The following RAB5B variants were observed in gnomAD, a reference collection of about 807,000 sequenced individuals.
RAB5B encodes the protein ras-related protein Rab-5B.
RAB5B carries 11 observed loss-of-function variants against 28.6 expected under a neutral mutation model. The ratio of observed to expected loss-of-function variants is 0.38; its 90% CI spans 0.24 to 0.64. The LOEUF (loss-of-function observed/expected upper bound fraction) is 0.64. RAB5B is among the 30% of genes least tolerant of loss of function. The pLI is 0.53. For synonymous variants in RAB5B, 93 were observed against 97.9 expected (o/e 0.95, Z 0.29); for missense variants, 169 against 265.6 (o/e 0.64, Z 2.53).
chr12:55,982,525 C>T (rs182270787), intron 1 of RAB5B, among the ~76,000 whole-genome samples: 15 of 152,088 alleles, frequency 9.9e-5, no homozygotes, highest in East Asian at 5.8e-4. Context: ...AACTCCTGGG[C>T]TCAAGTGATC....
intron 1 of RAB5B, chr12:55,980,817 T>C (rs536437912): frequency 1.9e-6 from 3 of 1,586,378 alleles, no homozygotes; most frequent in African/African-American, 1.3e-5. Flanking sequence ...GCAGTAGTTA[T>C]TGTCTTGAAC....
At chr12:55,981,591 T>A (rs1889810237) in intron 1 of RAB5B, among the ~76,000 whole-genome samples, 1 of 152,018 alleles carries the variant, frequency 6.6e-6, no homozygotes, top group Middle Eastern at 3.4e-3. Context: ...AGCTAACAAG[T>A]GGAAGGGGGC....
At position 55,990,110 on chromosome 12, in the gene RAB5B, A is replaced by G. The variant is rs1384545244; in HGVS notation, c.315+12A>G. On this transcript the variant is annotated intron_variant, in intron 3 of 5. Transcript: ENST00000360299. ...ACATTACTAATCAGGTAAGTGAGCT[A>G]AGAAGACTGTCCTTGTTGGCTGGAC... 1.9e-6 allele frequency: 3 copies of G among 1,609,370 alleles called. No individual in the cohort carries two copies. Among genetic ancestry groups the G allele is most frequent in the Non-Finnish European group, 2.5e-6 (3 of 1,177,216 alleles).
Position 55,993,918 on chromosome 12 carries a change from T to C in RAB5B, c.*1706T>C, listed in dbSNP as rs1890211724. 1 of 152,344 alleles carries C rather than the reference T, an allele frequency of 6.6e-6. No homozygotes were observed. Among genetic ancestry groups the C allele is most frequent in the Non-Finnish European group, 1.5e-5 (1 of 68,052 alleles). The allele number at this position is 152,344 out of a possible 1,614,324, so 9.4% of individuals were successfully genotyped here. A position where few individuals can be genotyped will look rare whatever the true frequency, so the allele number is the denominator to read the frequency against. On this transcript the variant is annotated 3_prime_UTR_variant, in exon 6 of 6. Transcript: ENST00000360299. Reference sequence around the variant, plus strand: ...ATATCCTTCATCAGGTGTTTTAAGATGTCTCTGAGAAGCCATCAAGGCAAA... The same window carrying C: ...ATATCCTTCATCAGGTGTTTTAAGACGTCTCTGAGAAGCCATCAAGGCAAA...
rs1434137681 is a variant in RAB5B, at chr12:55,992,299, C to T, written c.*87C>T. ...CCTACCCCTCAGCACACAACCCCTA[C>T]GGTAACAGCACACTGAGCCCTGGCT... On this transcript the variant is annotated 3_prime_UTR_variant, in exon 6 of 6. Transcript: ENST00000360299. The T allele has an allele frequency of 1.4e-5, 16 of 1,138,118 alleles. No homozygotes were observed. The highest frequency in any genetic ancestry group is 1.7e-5 in the Non-Finnish European group (13 of 773,000). 70.5% of individuals were successfully genotyped at this position (1,138,118 alleles called of 1,614,324 possible).
intron 1 of RAB5B, among the ~76,000 whole-genome samples, chr12:55,980,173 CT>C (rs944744913): frequency 1.3e-5 from 2 of 152,092 alleles, no homozygotes; most frequent in African/African-American, 4.8e-5. Flanking sequence ...TCTCTCCTTC[CT>C]TTCCTCCTCC....
chr12:55,979,738 A>G (rs1051588134), intron 1 of RAB5B, among the ~76,000 whole-genome samples: 11 of 152,184 alleles, frequency 7.2e-5, no homozygotes, highest in African/African-American at 2.7e-4. Context: ...TTTAGTCCCA[A>G]AGCAAGTACT....
intron 1 of RAB5B, among the ~76,000 whole-genome samples, chr12:55,982,237 G>A (rs1410264120): frequency 3.1e-5 from 4 of 130,220 alleles, no homozygotes; most frequent in Non-Finnish European, 6.6e-5. Context: ...CCACTTGACT[G>A]GTTTACCAAA....
intron 1 of RAB5B, among the ~76,000 whole-genome samples, chr12:55,979,677 A>G (rs1889745147): frequency 6.6e-6 from 1 of 152,226 alleles, no homozygotes; most frequent in South Asian, 2.1e-4. Context: ...TCAGAAAGAT[A>G]TGGGACTGCA....
chr12:55,980,367 C>T (rs1180455854), intron 1 of RAB5B: 2 of 1,381,580 alleles, frequency 1.4e-6, no homozygotes, highest in Non-Finnish European at 1.0e-6. Context: ...CTCACTCCCT[C>T]TGCTGTTGTC....
rs1286408659 is a variant in RAB5B at position 55,986,920 on chromosome 12, A to G, written c.-41A>G. The G allele has an allele frequency of 4.1e-5, 16 of 388,942 alleles. No homozygotes were observed. The highest frequency in any genetic ancestry group is 2.9e-4 in the South Asian group (16 of 55,526). The allele number at this position is 388,942 out of a possible 1,614,324, so 24.1% of individuals were successfully genotyped here. On this transcript the variant is annotated 5_prime_UTR_variant, in exon 2 of 6. Coordinates refer to ENST00000360299, the MANE Select transcript of RAB5B (RefSeq NM_002868.4). ...CCCTTCCCCCTCCCCCCTTTACAGT[A>G]TCCCCCTCCCTCCACCCTTTCCCAT...
In RAB5B at chr12:55,989,974, T is replaced by C. The variant is rs1417885425; in HGVS notation, c.191T>C (p.Leu64Pro). Residue 64 changes from leucine (L) to proline (P), a missense_variant, in exon 3 of 6, where the codon CTA (leucine) becomes CCA (proline). This residue lies in a region of RAB5B where 43 missense variants were observed against 85.8 expected (regional missense o/e 0.50). Coordinates refer to ENST00000360299, the MANE Select transcript of RAB5B (RefSeq NM_002868.4). Reference sequence around the variant, plus strand: ...GCCTTCCTCACCCAGTCCGTTTGTCTAGATGACACAACAGTGAAGTTTGAG... The same window carrying C: ...GCCTTCCTCACCCAGTCCGTTTGTCCAGATGACACAACAGTGAAGTTTGAG... ...GAAFLTQSVC[L>P]DDTTVKFEIW... The C allele has an allele frequency of 1.9e-6, 3 of 1,613,510 alleles. No homozygotes were observed. The highest frequency in any genetic ancestry group is 2.5e-6 in the Non-Finnish European group (3 of 1,179,534).
rs190993946 is a variant in RAB5B, at chr12:55,986,321, C to T, written c.-92-548C>T. Among the ~76,000 whole-genome samples the T allele has an allele frequency of 3.8e-3, 586 of 152,244 alleles. 4 individuals carry two copies. Among genetic ancestry groups the T allele is most frequent in the South Asian group, 0.015 (72 of 4,824 alleles). On this transcript the variant is annotated intron_variant, in intron 1 of 5. Transcript: ENST00000360299. Reference sequence around the variant, plus strand: ...AATTAGCCAGGCGTGGTGGTGCATGCCTGTAATCCCAGCTACTCGGGAGAC... The same window carrying T: ...AATTAGCCAGGCGTGGTGGTGCATGTCTGTAATCCCAGCTACTCGGGAGAC...
intron 1 of RAB5B, chr12:55,980,457 C>T: frequency 6.3e-7 from 1 of 1,591,880 alleles, no homozygotes; most frequent in Non-Finnish European, 8.6e-7. Flanking sequence ...TTCTTTATGT[C>T]ACAAGTTTTC....
intron 1 of RAB5B, among the ~76,000 whole-genome samples, chr12:55,974,914 G>A (rs1244042515): frequency 6.9e-6 from 1 of 144,324 alleles, no homozygotes; most frequent in Non-Finnish European, 1.6e-5. Flanking sequence ...TAGGGATGAA[G>A]ATCAAAGTAA....
rs148168336 is a variant in RAB5B, at chr12:55,987,908, A to T, written c.163+785A>T. 3.0e-3 allele frequency among the ~76,000 whole-genome samples: 449 copies of T among 151,344 alleles called. 2 individuals are homozygous for T. The highest frequency in any genetic ancestry group is 0.01 in the African/African-American group (426 of 41,196). ...CACACCTGTAATCCCAGCATTTGGG[A>T]GGCCAAGGCAGGCGGATCACTTGAG... is the stretch of plus-strand genomic sequence containing the variant. On this transcript the variant is annotated intron_variant, in intron 2 of 5. Transcript: ENST00000360299.
chr12:55,980,984 G>T, intron 1 of RAB5B: 2 of 1,613,974 alleles, frequency 1.2e-6, no homozygotes, highest in Non-Finnish European at 1.7e-6. Context: ...GCCCACCCCC[G>T]AGTCCCCGAT....
chr12:55,991,450 A>G lies in RAB5B; in HGVS notation c.529A>G (p.Ile177Val), dbSNP rs774925133. The change falls in exon 5 of 6, where the codon ATA (isoleucine) becomes GTA (valine). Residue 177 changes from isoleucine to valine, a missense_variant. This residue lies in a region of RAB5B where 123 missense variants were observed against 162.4 expected (regional missense o/e 0.76). Coordinates refer to ENST00000360299, the MANE Select transcript of RAB5B (RefSeq NM_002868.4). The part of the protein sequence containing the change: ...AMNVNDLFLA[I>V]AKKLPKSEPQ... ...GAACGTGAATGATCTCTTCCTGGCA[A>G]TAGGTAAGGTCAGAACATCCTGAGG... is the stretch of plus-strand genomic sequence containing the variant. 78 of 1,612,084 alleles carry G rather than the reference A, an allele frequency of 4.8e-5. No individual in the cohort carries two copies. The highest frequency in any genetic ancestry group is 6.4e-5 in the Non-Finnish European group (75 of 1,178,276).
At position 55,994,410 on chromosome 12, in the gene RAB5B, T is replaced by A. The variant is rs1475209270; in HGVS notation, c.*2198T>A. On this transcript the variant is annotated 3_prime_UTR_variant, in exon 6 of 6. Transcript: ENST00000360299. The stretch of plus-strand genomic sequence containing the variant: ...TCCCCCCACCCCCATAGGAACAGGA[T>A]TTGGCCTTAGCTTCTGGGCCTATCG... 9 of 115,072 alleles carry A rather than the reference T, an allele frequency of 7.8e-5. No individual in the cohort carries two copies. Among genetic ancestry groups the A allele is most frequent in the Non-Finnish European group, 1.3e-4 (8 of 59,618 alleles). The allele number at this position is 115,072 out of a possible 1,614,324, so 7.1% of individuals were successfully genotyped here.
Sources: allele counts gnomAD v4.1 joint callset (sites outside exome capture counted in the v4.1 genomes callset), GRCh38; gene constraint gnomAD v4.1.1; regional missense constraint gnomAD v4.1.1; transcripts MANE v1.5; gene names NCBI Gene and HGNC (gene_info 2026-07-23, HGNC 2026-07-21).